The following NCS1 variants were observed in gnomAD, a reference collection of about 807,000 sequenced individuals.
NCS1 encodes the protein neuronal calcium sensor 1, also known as frequenin homolog.
Under a neutral mutation model 28.4 loss-of-function variants are expected in NCS1, and 6 were observed. The ratio of observed to expected loss-of-function variants is 0.21; its 90% CI spans 0.12 to 0.42. The LOEUF is 0.42. NCS1 is among the 10% of genes least tolerant of loss of function. The probability of loss-of-function intolerance (pLI) is 1.00; values close to 1 mark genes in which losing one functional copy is unlikely to be tolerated. For synonymous variants in NCS1, 86 were observed against 99.3 expected (o/e 0.87, Z 0.79); for missense variants, 131 against 241.4 (o/e 0.54, Z 3.03).
Position 130,226,645 on chromosome 9 carries a change from G to A in NCS1, c.*17+141G>A. The A allele has an allele frequency of 1.6e-6, 1 of 622,680 alleles. No homozygotes were observed. The highest frequency in any genetic ancestry group is 2.8e-5 in the East Asian group (1 of 35,874). 38.6% of individuals were successfully genotyped at this position (622,680 alleles called of 1,614,324 possible). Reference sequence around the variant, plus strand: ...AGCCTAGCAGGGACATAGCTGGGAGGAGGAGGCTGGAAGGGGGGCCTTCAA... The same window carrying A: ...AGCCTAGCAGGGACATAGCTGGGAGAAGGAGGCTGGAAGGGGGGCCTTCAA... On this transcript the variant is annotated intron_variant, in intron 7 of 7. Coordinates refer to ENST00000372398, the MANE Select transcript of NCS1 (RefSeq NM_014286.4). This position sits in a 1 kb window ranked among gnomAD's most constrained non-coding sequence, Gnocchi z 4.8.
intron 2 of NCS1, among the ~76,000 whole-genome samples, chr9:130,204,797 G>A (rs1341915973): frequency 4.6e-5 from 7 of 152,194 alleles, no homozygotes; most frequent in Admixed American, 3.3e-4. Flanking sequence ...GTCAGTAACC[G>A]TAGTAATCAT....
At chr9:130,227,009 T>G (rs1588126838) in intron 7 of NCS1, among the ~76,000 whole-genome samples, 2 of 117,230 alleles carry the variant, frequency 1.7e-5, no homozygotes, top group Non-Finnish European at 3.3e-5. Context: ...GGTAACAGAG[T>G]GAGACTCCAT....
rs1429938255 is a variant in NCS1 at position 130,209,771 on chromosome 9, T to A, written c.90-8061T>A. Among the ~76,000 whole-genome samples the A allele has an allele frequency of 2.0e-5, 3 of 152,180 alleles. No homozygotes were observed. The highest frequency in any genetic ancestry group is 2.0e-4 in the Admixed American group (3 of 15,278). The stretch of plus-strand genomic sequence containing the variant: ...CTTTTAAAGAAGTGTAAGAACGCCG[T>A]TGTTGAATCTAGGATTTTCTTTTCT... On this transcript the variant is annotated intron_variant, in intron 2 of 7. Coordinates refer to ENST00000372398, the MANE Select transcript of NCS1 (RefSeq NM_014286.4). The surrounding 1 kb of genome is among the most constrained non-coding windows in gnomAD (Gnocchi z 4.4).
In NCS1 at chr9:130,215,911, C is replaced by T. The variant is rs565698573; in HGVS notation, c.90-1921C>T. On this transcript the variant is annotated intron_variant, in intron 2 of 7. Coordinates refer to ENST00000372398, the MANE Select transcript of NCS1 (RefSeq NM_014286.4). This position sits in a 1 kb window ranked among gnomAD's most constrained non-coding sequence, Gnocchi z 4.2. ...TCAAGAAGAACTGCCCTCCCTCCCA[C>T]ATCCTGCTCCCTCTTCTCTGCCCTC... 2.0e-5 allele frequency among the ~76,000 whole-genome samples: 3 copies of T among 152,268 alleles called. No homozygotes were observed. The highest frequency in any genetic ancestry group is 4.8e-5 in the African/African-American group (2 of 41,560).
rs1229633141 is a variant in NCS1 at position 130,199,068 on chromosome 9, C to T, written c.65-1890C>T. Reference sequence around the variant, plus strand: ...CGGTGTTTCTGGGTAACTGGCATCTCCCGCTGTTGCCTTCTCTTTCTCTCT... The same window carrying T: ...CGGTGTTTCTGGGTAACTGGCATCTTCCGCTGTTGCCTTCTCTTTCTCTCT... On this transcript the variant is annotated intron_variant, in intron 1 of 7. Coordinates refer to ENST00000372398, the MANE Select transcript of NCS1 (RefSeq NM_014286.4). Among the ~76,000 whole-genome samples the T allele has an allele frequency of 3.3e-5, 5 of 150,396 alleles. No individual in the cohort carries two copies. In the South Asian group the frequency reaches 6.4e-4, roughly 19 times the overall value.
At chr9:130,187,061 C>T (rs1456883362) in intron 1 of NCS1, among the ~76,000 whole-genome samples, 1 of 152,114 alleles carries the variant, frequency 6.6e-6, no homozygotes, top group Non-Finnish European at 1.5e-5. Flanking sequence ...GGGGCGCGGG[C>T]AGTGAGTTGG....
rs924156408 is a variant in NCS1 at position 130,229,811 on chromosome 9, A to G, written c.*18-3179A>G. ...AGTGATTATATCCAATTTGTGTTCT[A>G]TCATTTTAATGATTTATTTGCCTCC... is the stretch of plus-strand genomic sequence containing the variant. On this transcript the variant is annotated intron_variant, in intron 7 of 7. Transcript: ENST00000372398. 2.6e-5 allele frequency among the ~76,000 whole-genome samples: 4 copies of G among 152,288 alleles called. No homozygotes were observed. In the East Asian group the frequency reaches 7.7e-4, roughly 29 times the overall value.
rs79644574 is a variant in NCS1 at position 130,208,954 on chromosome 9, G to A, written c.89+7972G>A. ...CTGAATATTGGGGCTCAGACCCGCC[G>A]GCTTCTTGCTTTCTTGCTCTGGGAA... On this transcript the variant is annotated intron_variant, in intron 2 of 7. Coordinates refer to ENST00000372398, the MANE Select transcript of NCS1 (RefSeq NM_014286.4). Among the ~76,000 whole-genome samples, 1,210 of 152,154 alleles carry A rather than the reference G, an allele frequency of 8.0e-3. 20 individuals are homozygous for A. Among genetic ancestry groups the A allele is most frequent in the African/African-American group, 0.028 (1,155 of 41,508 alleles).
At position 130,219,523 on chromosome 9, in the gene NCS1, C is replaced by T. The variant is rs74899791; in HGVS notation, c.229-202C>T. ...CCTCCTGGCCTCTCCCACTTCTAAC[C>T]CCCCACACAGTCCCCCAGCCTCTGC... is the stretch of plus-strand genomic sequence containing the variant. On this transcript the variant is annotated intron_variant, in intron 3 of 7. Transcript: ENST00000372398. This position sits in a 1 kb window ranked among gnomAD's most constrained non-coding sequence, Gnocchi z 5.7. 0.012 allele frequency among the ~76,000 whole-genome samples: 1,772 copies of T among 152,000 alleles called. 50 individuals are homozygous for T. Among genetic ancestry groups the T allele is most frequent in the African/African-American group, 0.04 (1,675 of 41,446 alleles).
chr9:130,189,439 T>C (rs1281895051), intron 1 of NCS1, among the ~76,000 whole-genome samples: 2 of 152,100 alleles, frequency 1.3e-5, no homozygotes, highest in African/African-American at 4.8e-5. Context: ...GTTTGGGAAA[T>C]GCTTGTGGAA....
chr9:130,183,799 CTTCTT>C (rs1387216437), intron 1 of NCS1, among the ~76,000 whole-genome samples: 4 of 143,106 alleles, frequency 2.8e-5, no homozygotes, highest in African/African-American at 7.8e-5. Context: ...CCCTTCCCTC[CTTCTT>C]TTCTTTTCTT....
intron 1 of NCS1, among the ~76,000 whole-genome samples, chr9:130,193,281 G>A (rs1389606226): frequency 6.6e-6 from 1 of 152,122 alleles, no homozygotes; most frequent in African/African-American, 2.4e-5. Flanking sequence ...GGCTGGAGAC[G>A]CACTGAGGCT....
At chr9:130,173,199 T>TGG (rs372844368) in intron 1 of NCS1, among the ~76,000 whole-genome samples, 11,120 of 119,450 alleles carry the variant, frequency 0.093, 528 homozygotes, top group Admixed American at 0.14. Flanking sequence ...CCCGTTCGTG[T>TGG]GGGGGGGGGG....
At chr9:130,220,059 C>T (rs1044422876) in intron 4 of NCS1, among the ~76,000 whole-genome samples, 34 of 152,310 alleles carry the variant, frequency 2.2e-4, no homozygotes, top group African/African-American at 8.2e-4. Context: ...GGGAGGGTTT[C>T]CTGGAGGCAC....
Position 130,226,111 on chromosome 9 carries a change from C to T in NCS1, c.475-278C>T, listed in dbSNP as rs1444034936. ...GAGTTACAGGGCACTTCCAGTTGGT[C>T]AAGCACAGAGCTGTCACCCGAGTGC... On this transcript the variant is annotated intron_variant, in intron 6 of 7. Coordinates refer to ENST00000372398, the MANE Select transcript of NCS1 (RefSeq NM_014286.4). The surrounding 1 kb of genome is among the most constrained non-coding windows in gnomAD (Gnocchi z 4.8). 1.3e-5 allele frequency among the ~76,000 whole-genome samples: 2 copies of T among 152,204 alleles called. No individual in the cohort carries two copies. Among genetic ancestry groups the T allele is most frequent in the African/African-American group, 4.8e-5 (2 of 41,448 alleles).
Position 130,219,947 on chromosome 9 carries a change from C to T in NCS1, c.307+144C>T, listed in dbSNP as rs1305178193. On this transcript the variant is annotated intron_variant, in intron 4 of 7. Transcript: ENST00000372398. The surrounding 1 kb of genome is among the most constrained non-coding windows in gnomAD (Gnocchi z 5.7). ...GCGTCCCAGCTGTGTCTGCAGAGGG[C>T]AGGCCTGGGCCCTGGGCAGGTGGCC... 2.9e-5 allele frequency: 26 copies of T among 903,684 alleles called. No homozygotes were observed. Among genetic ancestry groups the T allele is most frequent in the Non-Finnish European group, 4.2e-5 (24 of 568,042 alleles). 56.0% of individuals were successfully genotyped at this position (903,684 alleles called of 1,614,324 possible).
rs986650691 is a variant in NCS1 at position 130,180,104 on chromosome 9, G to T, written c.64+7377G>T. On this transcript the variant is annotated intron_variant, in intron 1 of 7. Transcript: ENST00000372398. The surrounding 1 kb of genome is among the most constrained non-coding windows in gnomAD (Gnocchi z 4.5). ...GGCTAGAGTGCAGTGGCGCGATCTC[G>T]GCTCACTATAATCGCCACCTCCCGG... Among the ~76,000 whole-genome samples the T allele has an allele frequency of 6.6e-6, 1 of 151,962 alleles. No homozygotes were observed. Among genetic ancestry groups the T allele is most frequent in the Non-Finnish European group, 1.5e-5 (1 of 68,010 alleles).
In NCS1 at chr9:130,209,270, A is replaced by G. The variant is rs193219022; in HGVS notation, c.89+8288A>G. 3.3e-5 allele frequency among the ~76,000 whole-genome samples: 5 copies of G among 152,324 alleles called. No individual in the cohort carries two copies. The East Asian group carries it at 9.6e-4, about 29-fold the overall frequency. On this transcript the variant is annotated intron_variant, in intron 2 of 7. Coordinates refer to ENST00000372398, the MANE Select transcript of NCS1 (RefSeq NM_014286.4). The surrounding 1 kb of genome is among the most constrained non-coding windows in gnomAD (Gnocchi z 4.4). ...GCTGCCGCAGTATCATCAGCATGGC[A>G]GGAAATGCAGGGCTGGCCTCCCAGC...
At chr9:130,207,739 C>T (rs2131141501) in intron 2 of NCS1, among the ~76,000 whole-genome samples, 1 of 152,380 alleles carries the variant, frequency 6.6e-6, no homozygotes, top group East Asian at 1.9e-4. Context: ...CCGGGCCAGG[C>T]CAACTGGGCA....
Sources: gnomAD v4.1 joint callset for allele counts (sites outside exome capture counted in the v4.1 genomes callset) on GRCh38, gnomAD v4.1.1 for gene constraint, Gnocchi (gnomAD v3.1) non-coding constraint, MANE v1.5 for transcripts, NCBI Gene and HGNC (gene_info 2026-07-23, HGNC 2026-07-21) for gene names.